The following HPSE2 variants were observed in gnomAD, a reference collection of about 807,000 sequenced individuals.
HPSE2 encodes the protein heparanase 2 (inactive).
In HPSE2, 38 loss-of-function variants were observed where a neutral mutation model predicts 60.5. The ratio of observed to expected loss-of-function variants is 0.63; its 90% CI spans 0.48 to 0.82. The LOEUF is 0.82. Ranked by LOEUF, HPSE2 falls within the 40% of genes least tolerant of loss-of-function variation. HPSE2 has a pLI of 0.00. For synonymous variants in HPSE2, 295 were observed against 293.2 expected, an observed-to-expected ratio of 1.01 and a Z score of -0.06; for missense variants, 713 against 740.4, an observed-to-expected ratio of 0.96 and a Z score of 0.43.
chr10:98,762,094 G>C (rs1950019039), intron 3 of HPSE2, among the ~76,000 whole-genome samples: 1 of 149,536 alleles, frequency 6.7e-6, no homozygotes, highest in South Asian at 2.1e-4. Flanking sequence ...GCCACTTACA[G>C]AGTTTTATGG....
intron 3 of HPSE2, among the ~76,000 whole-genome samples, chr10:98,855,088 G>C (rs1054095821): frequency 1.9e-4 from 29 of 152,076 alleles, no homozygotes; most frequent in Admixed American, 1.9e-3. Flanking sequence ...CTACAGACAG[G>C]CACCTCCAAA....
At chr10:98,646,830 A>G (rs1382670782) in intron 6 of HPSE2, among the ~76,000 whole-genome samples, 1 of 152,252 alleles carries the variant, frequency 6.6e-6, no homozygotes, top group African/African-American at 2.4e-5. Context: ...GAGAATGAAC[A>G]TGAACAAAAT....
intron 3 of HPSE2, among the ~76,000 whole-genome samples, chr10:99,073,224 C>T (rs955454497): frequency 8.5e-5 from 13 of 152,050 alleles, no homozygotes; most frequent in African/African-American, 3.1e-4. Context: ...TGGAACCATT[C>T]AAAATGCCCA....
chr10:99,066,025 C>G (rs942260148), intron 3 of HPSE2, among the ~76,000 whole-genome samples: 1 of 60,152 alleles, frequency 1.7e-5, no homozygotes, highest in Admixed American at 1.8e-4. Context: ...AGGCAGGCAG[C>G]TGGGAAAATT....
At chr10:98,676,183 G>A (rs1041475140) in intron 6 of HPSE2, among the ~76,000 whole-genome samples, 4 of 152,144 alleles carry the variant, frequency 2.6e-5, no homozygotes, top group South Asian at 2.1e-4. Flanking sequence ...CTTGGGAAGC[G>A]TTAATGAGTG....
chr10:99,130,146 C>T (rs1845326407), intron 3 of HPSE2, among the ~76,000 whole-genome samples: 1 of 150,396 alleles, frequency 6.6e-6, no homozygotes, highest in African/African-American at 2.4e-5. Context: ...TAAAAATTGC[C>T]AACAAAAAAA....
chr10:98,747,152 T>C (rs1200885572), intron 3 of HPSE2, among the ~76,000 whole-genome samples: 1 of 152,134 alleles, frequency 6.6e-6, no homozygotes, highest in African/African-American at 2.4e-5. Context: ...GTCATGAAAG[T>C]TATATTATCA....
chr10:98,681,458 G>T (rs1565074740), intron 6 of HPSE2, among the ~76,000 whole-genome samples: 1 of 152,056 alleles, frequency 6.6e-6, no homozygotes, highest in Non-Finnish European at 1.5e-5. Flanking sequence ...ATCATGCATG[G>T]GTAAAAGGTC....
At chr10:98,716,248 A>C (rs1948786006) in intron 5 of HPSE2, among the ~76,000 whole-genome samples, 1 of 151,976 alleles carries the variant, frequency 6.6e-6, no homozygotes, top group Non-Finnish European at 1.5e-5. Context: ...CTACATCTGC[A>C]GTTACTTACT....
chr10:98,461,602 C>T (rs747328692), intron 11 of HPSE2: 1 of 574,770 alleles, frequency 1.7e-6, no homozygotes, highest in Non-Finnish European at 3.1e-6. Context: ...GTTTCAGGTG[C>T]TATGAATATC....
intron 3 of HPSE2, among the ~76,000 whole-genome samples, chr10:99,078,615 C>A (rs993237572): frequency 4.6e-5 from 7 of 152,024 alleles, no homozygotes; most frequent in African/African-American, 1.7e-4. Context: ...TATTTTTGAT[C>A]TGTCATTGGT....
intron 3 of HPSE2, among the ~76,000 whole-genome samples, chr10:98,869,793 T>C (rs907599762): frequency 1.3e-5 from 2 of 152,166 alleles, no homozygotes; most frequent in Admixed American, 1.3e-4. Flanking sequence ...GGCAAGTAAT[T>C]TCTCTTTTCC....
At chr10:99,185,186 C>A (rs1488602427) in intron 2 of HPSE2, among the ~76,000 whole-genome samples, 3 of 151,820 alleles carry the variant, frequency 2.0e-5, no homozygotes, top group Non-Finnish European at 4.4e-5. Flanking sequence ...CACTTGTAAT[C>A]CCAGCTACTA....
chr10:99,149,096 G>T (rs1418044589), intron 2 of HPSE2, among the ~76,000 whole-genome samples: 1 of 152,064 alleles, frequency 6.6e-6, no homozygotes, highest in Non-Finnish European at 1.5e-5. Flanking sequence ...AGCCAAAGAT[G>T]ACTTGCTTTC....
At chr10:98,583,665 C>A (rs1363028921) in intron 9 of HPSE2, among the ~76,000 whole-genome samples, 1 of 152,192 alleles carries the variant, frequency 6.6e-6, no homozygotes, top group Non-Finnish European at 1.5e-5. Context: ...GGTTTGTGTG[C>A]CCCAAATTAT....
intron 6 of HPSE2, among the ~76,000 whole-genome samples, chr10:98,688,477 C>CTTTTTTTTT (rs1388717965): frequency 6.0e-5 from 5 of 83,012 alleles, no homozygotes; most frequent in East Asian, 3.8e-4. Flanking sequence ...TTTTTTTTTT[C>CTTTTTTTTT]TTTTTTTTTT....
At chr10:98,702,178 A>C (rs867536120) in intron 5 of HPSE2, among the ~76,000 whole-genome samples, 10 of 152,318 alleles carry the variant, frequency 6.6e-5, no homozygotes, top group Non-Finnish European at 1.2e-4. Flanking sequence ...CTAATGAAAC[A>C]GACTTTAAAC....
chr10:98,856,265 T>G (rs1257003931), intron 3 of HPSE2, among the ~76,000 whole-genome samples: 1 of 152,174 alleles, frequency 6.6e-6, no homozygotes, highest in Non-Finnish European at 1.5e-5. Flanking sequence ...AAGTCTCAGA[T>G]ATAATCTAGA....
chr10:98,707,703 A>T (rs1948582163), intron 5 of HPSE2, among the ~76,000 whole-genome samples: 1 of 152,182 alleles, frequency 6.6e-6, no homozygotes, highest in Non-Finnish European at 1.5e-5. Context: ...AAAATAGTTT[A>T]AAATCAGATA....
Sources: gnomAD v4.1 joint callset for allele counts (sites outside exome capture counted in the v4.1 genomes callset) on GRCh38, gnomAD v4.1.1 for gene constraint, MANE v1.5 for transcripts, NCBI Gene and HGNC (gene_info 2026-07-23, HGNC 2026-07-21) for gene names.